The following HERC5 variants were observed in gnomAD, a reference collection of about 807,000 sequenced individuals.
The protein encoded by HERC5 is HECT and RLD domain containing E3 ubiquitin protein ligase 5, also known as E3 ISG15--protein ligase HERC5.
HERC5 carries 99 observed loss-of-function variants against 119.6 expected under a neutral mutation model. The ratio of observed to expected loss-of-function variants is 0.83; its 90% CI spans 0.70 to 0.98. HERC5 has a LOEUF of 0.98. HERC5 is among the 50% of genes least tolerant of loss of function. The pLI is 0.00. For missense variants in HERC5, 1,267 were observed against 1,241.3 expected (o/e 1.02, Z -0.31); for synonymous variants, 478 against 445.9 (o/e 1.07, Z -0.91).
chr4:88,502,033 C>T (rs1741963042), intron 20 of HERC5, among the ~76,000 whole-genome samples: 1 of 152,208 alleles, frequency 6.6e-6, no homozygotes, highest in South Asian at 2.1e-4. Context: ...CTCCTGACCT[C>T]ATGATCCACC....
chr4:88,463,534 A>C lies in HERC5; in HGVS notation c.691A>C (p.Lys231Gln), dbSNP rs1740524935. ...GQLGLGHTES[K>Q]DDPSLIEGLD... ...CAGCTATTTTTTTCCTTACATAGGT[A>C]AAGATGATCCATCCCTTATTGAAGG... is the stretch of plus-strand genomic sequence containing the variant. Residue 231 changes from lysine to glutamine, a missense_variant and splice_region_variant, in exon 5 of 23, where the codon AAA becomes CAA. This residue lies in a region of HERC5 where 777 missense variants were observed against 758.0 expected (regional missense o/e 1.03). Coordinates refer to ENST00000264350, the MANE Select transcript of HERC5 (RefSeq NM_016323.4). 3 of 1,610,946 alleles carry C rather than the reference A, an allele frequency of 1.9e-6. No homozygotes were observed. The highest frequency in any genetic ancestry group is 2.5e-6 in the Non-Finnish European group (3 of 1,177,394).
chr4:88,495,754 A>G (rs532936554), intron 18 of HERC5, among the ~76,000 whole-genome samples: 6 of 143,022 alleles, frequency 4.2e-5, no homozygotes, highest in East Asian at 3.9e-4. Flanking sequence ...TAAGACAAGG[A>G]AAAAAAAATC....
chr4:88,488,728 C>G (rs1254879118), intron 15 of HERC5, among the ~76,000 whole-genome samples: 1 of 151,890 alleles, frequency 6.6e-6, no homozygotes, highest in Non-Finnish European at 1.5e-5. Context: ...CTCTCATAAC[C>G]TGGATTTTTT....
rs530865754 is a variant in HERC5 at position 88,462,053 on chromosome 4, G to T, written c.467-82G>T. 1.9e-4 allele frequency: 218 copies of T among 1,121,866 alleles called. 1 individual carries two copies. The African/African-American group carries it at 2.1e-3, about 11-fold the overall frequency. The allele number at this position is 1,121,866 out of a possible 1,614,324, so 69.5% of individuals were successfully genotyped here. On this transcript the variant is annotated intron_variant, in intron 3 of 22. Coordinates refer to ENST00000264350, the MANE Select transcript of HERC5 (RefSeq NM_016323.4). ...GGTACAATATTGTGATATTATACTA[G>T]GTAGAGCATGCATAATGCTTTAGGG...
At chr4:88,499,392 T>G (rs1356657391) in intron 18 of HERC5, among the ~76,000 whole-genome samples, 4 of 152,228 alleles carry the variant, frequency 2.6e-5, no homozygotes, top group Non-Finnish European at 5.9e-5. Context: ...TAAAAATTGG[T>G]TACTGTCCAT....
chr4:88,461,003 C>G (rs1740421204), intron 3 of HERC5, among the ~76,000 whole-genome samples: 1 of 151,912 alleles, frequency 6.6e-6, no homozygotes. Flanking sequence ...AAAAAAGAAA[C>G]TTACTGTGAA....
At chr4:88,468,254 C>T (rs1475590094) in intron 7 of HERC5, 92 bp from the exon 8 acceptor site, 5 of 883,004 alleles carry the variant, frequency 5.7e-6, no homozygotes, top group South Asian at 1.7e-5. Context: ...AAGATGACTA[C>T]GTTTAAGAAG....
chr4:88,463,476 A>G (rs765136357), intron 4 of HERC5, 56 bp from the exon 5 acceptor site: 5 of 1,159,448 alleles, frequency 4.3e-6, no homozygotes, highest in Non-Finnish European at 6.5e-6. Context: ...AGGTAACTCC[A>G]CTGTGAAACT....
chr4:88,487,956 T>C (rs1390428225), intron 15 of HERC5, among the ~76,000 whole-genome samples: 8 of 152,210 alleles, frequency 5.3e-5, no homozygotes, highest in Non-Finnish European at 1.2e-4. Flanking sequence ...ACATATGTTA[T>C]ATGTATGTAT....
intron 13 of HERC5, among the ~76,000 whole-genome samples, chr4:88,485,834 G>GT (rs566100605): frequency 0.013 from 1,928 of 145,392 alleles, 42 homozygotes; most frequent in African/African-American, 0.044. Context: ...ATATTGCATT[G>GT]TTTTTTTTTT....
chr4:88,487,212 A>G (rs1741495818), intron 15 of HERC5, 33 bp downstream of exon 15: 2 of 1,197,322 alleles, frequency 1.7e-6, no homozygotes, highest in African/African-American at 3.0e-5. Flanking sequence ...ATTAGCATAA[A>G]TCACATGCTA....
At chr4:88,474,978 A>G (rs535052523) in intron 11 of HERC5, among the ~76,000 whole-genome samples, 21 of 152,306 alleles carry the variant, frequency 1.4e-4, no homozygotes, top group Non-Finnish European at 2.8e-4. Context: ...ATTTTTTCCT[A>G]AACAGTTGCA....
Position 88,469,242 on chromosome 4 carries a change from G to C in HERC5, c.1220G>C (p.Arg407Pro), listed in dbSNP as rs750369071. The C allele has an allele frequency of 6.2e-7, 1 of 1,612,040 alleles. No homozygotes were observed. Among genetic ancestry groups the C allele is most frequent in the South Asian group, 1.1e-5 (1 of 91,028 alleles). Residue 407 changes from arginine to proline, a missense_variant, in exon 9 of 23, where the codon CGG (arginine) becomes CCG (proline). Transcript: ENST00000264350. ...KRWIADVETK[R>P]WQSTKREIQE... ...TGGATTGCTGATGTGGAGACTAAAC[G>C]GTGGCAGAGCACAAAAAGGTACACC...
intron 20 of HERC5, among the ~76,000 whole-genome samples, chr4:88,501,471 T>A (rs1018402281): frequency 2.0e-5 from 3 of 152,204 alleles, no homozygotes; most frequent in African/African-American, 7.2e-5. Context: ...ATATTTTGAC[T>A]TCCCAACATC....
intron 15 of HERC5, among the ~76,000 whole-genome samples, chr4:88,488,197 T>G (rs1475954268): frequency 1.3e-5 from 2 of 151,946 alleles, no homozygotes; most frequent in Non-Finnish European, 2.9e-5. Flanking sequence ...AATATTTGAC[T>G]ACTCCTTTTT....
intron 5 of HERC5, 115 bp from the exon 6 acceptor site, chr4:88,463,740 A>G: frequency 6.5e-6 from 9 of 1,394,908 alleles, no homozygotes; most frequent in Non-Finnish European, 9.0e-6. Flanking sequence ...TGTCCTTCTG[A>G]TATTTAGGAG....
intron 11 of HERC5, chr4:88,473,360 A>G (rs921803595): frequency 2.7e-5 from 4 of 149,632 alleles, no homozygotes; most frequent in African/African-American, 9.9e-5. Context: ...CTCTGTGTTC[A>G]TATCCCTCTT....
At chr4:88,488,874 T>G (rs1741548072) in intron 15 of HERC5, among the ~76,000 whole-genome samples, 1 of 152,156 alleles carries the variant, frequency 6.6e-6, no homozygotes, top group African/African-American at 2.4e-5. Context: ...ATCTTAAGCA[T>G]TAATAATTGT....
rs774093968 is a variant in HERC5 at position 88,463,805 on chromosome 4, C to T, written c.781-50C>T. ...ATTCACTTTGCATCAGTGAATACTA[C>T]TTTTTTATTTTATTTTTCTAGCATC... On this transcript the variant is annotated intron_variant, in intron 5 of 22. Transcript: ENST00000264350. The T allele has an allele frequency of 4.4e-6, 7 of 1,601,654 alleles. No homozygotes were observed. In the South Asian group the frequency reaches 7.8e-5, roughly 18 times the overall value.
Sources: gnomAD v4.1 joint callset for allele counts (sites outside exome capture counted in the v4.1 genomes callset) on GRCh38, gnomAD v4.1.1 for gene constraint, gnomAD v4.1.1 regional missense constraint, MANE v1.5 for transcripts, NCBI Gene and HGNC (gene_info 2026-07-23, HGNC 2026-07-21) for gene names.